Variants in ANO3 observed in about 807,000 individuals in gnomAD.
ANO3 encodes anoctamin-3.
In ANO3, 99 loss-of-function variants were observed where a neutral mutation model predicts 144.8. The ratio of observed to expected loss-of-function variants is 0.68; its 90% CI spans 0.58 to 0.81. ANO3 has a LOEUF of 0.81. Ranked by LOEUF, ANO3 falls within the 30% of genes least tolerant of loss-of-function variation. The pLI, the probability that ANO3 is intolerant of heterozygous loss-of-function variation, is 0.00. For missense variants in ANO3, 905 were observed against 1,202.2 expected (o/e 0.75, Z 3.66); for synonymous variants, 414 against 392.6 (o/e 1.05, Z -0.64).
At chr11:26,293,575 A>ATAT (rs1433627005) in intron 1 of ANO3, among the ~76,000 whole-genome samples, 1 of 116,156 alleles carries the variant, frequency 8.6e-6, no homozygotes, top group Non-Finnish European at 1.8e-5. Context: ...ATATATATAT[A>ATAT]TTCCTGTTGT....
At chr11:26,255,490 A>G (rs1853036220) in intron 1 of ANO3, among the ~76,000 whole-genome samples, 2 of 152,226 alleles carry the variant, frequency 1.3e-5, no homozygotes, top group South Asian at 4.1e-4. Context: ...AAATCTTAGT[A>G]CTCTACAATG....
At chr11:26,340,163 A>AC in intron 1 of ANO3, among the ~76,000 whole-genome samples, 1 of 151,088 alleles carries the variant, frequency 6.6e-6, no homozygotes, top group South Asian at 2.1e-4. Context: ...ATTTCCTAAA[A>AC]ATAACTCCTA....
chr11:26,647,182 T>C (rs1171601057), intron 23 of ANO3, among the ~76,000 whole-genome samples: 1 of 152,180 alleles, frequency 6.6e-6, no homozygotes, highest in Non-Finnish European at 1.5e-5. Context: ...GTATGTATTT[T>C]CATGATGCCA....
chr11:26,539,810 T>A lies in ANO3; in HGVS notation c.1033-2137T>A, dbSNP rs145516098. On this transcript the variant is annotated intron_variant, in intron 10 of 26. Coordinates refer to ENST00000256737, the MANE Select transcript of ANO3 (RefSeq NM_031418.4). ...TTCCATGTGCCAGGCACTTTATAGGTATTATCTAAGTTGACTCTCGTAAAA... is the reference window on the plus strand; with the variant it reads ...TTCCATGTGCCAGGCACTTTATAGGAATTATCTAAGTTGACTCTCGTAAAA... Among the ~76,000 whole-genome samples the A allele has an allele frequency of 2.0e-5, 3 of 152,344 alleles. 1 individual carries two copies. In the East Asian group the frequency reaches 5.8e-4, roughly 29 times the overall value.
intron 6 of ANO3, among the ~76,000 whole-genome samples, chr11:26,519,977 T>TA (rs1231923952): frequency 6.7e-6 from 1 of 149,124 alleles, no homozygotes. Flanking sequence ...TTTTACTAAT[T>TA]TAAAAAAAAA....
intron 3 of ANO3, among the ~76,000 whole-genome samples, chr11:26,461,010 C>T (rs1210003546): frequency 2.0e-5 from 3 of 151,996 alleles, no homozygotes; most frequent in African/African-American, 4.8e-5. Flanking sequence ...TGCCATTTGC[C>T]GATTGCTGTT....
intron 6 of ANO3, among the ~76,000 whole-genome samples, chr11:26,522,201 A>G (rs1032899935): frequency 4.4e-4 from 64 of 143,976 alleles, no homozygotes; most frequent in Non-Finnish European, 1.1e-4. Flanking sequence ...ACAAACAGCA[A>G]CAACAACAAC....
At chr11:26,606,196 C>G (rs939714133) in intron 17 of ANO3, among the ~76,000 whole-genome samples, 2 of 151,910 alleles carry the variant, frequency 1.3e-5, no homozygotes, top group African/African-American at 4.8e-5. Context: ...TGTTATTTAC[C>G]CAATAATCAT....
In ANO3 at chr11:26,662,125, G is replaced by A. The variant is rs1044564861; in HGVS notation, c.*1681G>A. 3.1e-4 allele frequency: 47 copies of A among 152,064 alleles called. No individual in the cohort carries two copies. Among genetic ancestry groups the A allele is most frequent in the African/African-American group, 1.1e-3 (47 of 41,524 alleles). 9.4% of individuals were successfully genotyped at this position (152,064 alleles called of 1,614,324 possible). On this transcript the variant is annotated 3_prime_UTR_variant, in exon 27 of 27. Transcript: ENST00000256737. ...TATTAACACTGAAAATGTTTTGTTA[G>A]CTTTTCCTTCTTTCTCTCCAGAAGA...
At chr11:26,615,903 A>C (rs1852247035) in intron 17 of ANO3, among the ~76,000 whole-genome samples, 1 of 152,144 alleles carries the variant, frequency 6.6e-6, no homozygotes, top group Non-Finnish European at 1.5e-5. Context: ...AATGTTTTCT[A>C]TTACCCGTTC....
chr11:26,259,778 A>C (rs117110115), intron 1 of ANO3, among the ~76,000 whole-genome samples: 2,936 of 152,248 alleles, frequency 0.019, 62 homozygotes, highest in East Asian at 0.11. Context: ...AGCACTTCTG[A>C]CCATTGCCTC....
intron 3 of ANO3, among the ~76,000 whole-genome samples, chr11:26,462,070 T>A (rs995672138): frequency 1.4e-4 from 21 of 151,960 alleles, no homozygotes; most frequent in African/African-American, 5.1e-4. Flanking sequence ...ATGTAACATA[T>A]TATGTTTTAA....
intron 1 of ANO3, among the ~76,000 whole-genome samples, chr11:26,269,590 C>G (rs1037981160): frequency 2.0e-5 from 3 of 152,130 alleles, no homozygotes; most frequent in African/African-American, 7.2e-5. Flanking sequence ...TTGACTGATT[C>G]CTTCATTTGG....
intron 17 of ANO3, among the ~76,000 whole-genome samples, chr11:26,603,531 A>T (rs985277341): frequency 1.3e-5 from 2 of 152,108 alleles, no homozygotes; most frequent in Non-Finnish European, 1.5e-5. Flanking sequence ...CCAAAAATAA[A>T]AAAAAGTTAT....
intron 4 of ANO3, among the ~76,000 whole-genome samples, chr11:26,497,922 A>G (rs985484725): frequency 6.6e-6 from 1 of 151,972 alleles, no homozygotes; most frequent in African/African-American, 2.4e-5. Flanking sequence ...GTAAATTCTA[A>G]AGTCTTTTCT....
chr11:26,306,501 C>T (rs1040993952), upstream of ANO3, among the ~76,000 whole-genome samples: 2 of 151,050 alleles, frequency 1.3e-5, no homozygotes, highest in Non-Finnish European at 2.9e-5. Context: ...CTCGTCTCTA[C>T]AAAAAATAAA....
rs566524935 is a variant in ANO3, at chr11:26,573,061, G to A, written c.1447+13282G>A. On this transcript the variant is annotated intron_variant, in intron 14 of 26. Coordinates refer to ENST00000256737, the MANE Select transcript of ANO3 (RefSeq NM_031418.4). ...AAACTGGGATCTTCCGCACATCAGC[G>A]TTTGGGGATGGCGCCAAGGGCCGTT... Among the ~76,000 whole-genome samples the A allele has an allele frequency of 9.2e-4, 140 of 152,268 alleles. 1 individual carries two copies. In the South Asian group the frequency reaches 0.01, roughly 11 times the overall value.
chr11:26,412,560 C>G (rs377612374), intron 1 of ANO3, among the ~76,000 whole-genome samples: 2 of 151,856 alleles, frequency 1.3e-5, no homozygotes, highest in East Asian at 1.9e-4. Flanking sequence ...ACCTGGTATA[C>G]TCAAATCTAC....
intron 1 of ANO3, among the ~76,000 whole-genome samples, chr11:26,366,746 T>G (rs1233331269): frequency 6.7e-6 from 1 of 150,290 alleles, no homozygotes; most frequent in Non-Finnish European, 1.5e-5. Flanking sequence ...GAGCATTTTT[T>G]CATGTGTCTG....
Sources: allele counts gnomAD v4.1 joint callset (sites outside exome capture counted in the v4.1 genomes callset), GRCh38; gene constraint gnomAD v4.1.1; transcripts MANE v1.5; gene names NCBI Gene and HGNC (gene_info 2026-07-23, HGNC 2026-07-21).